ODAD1: variants seen among roughly 807,000 people sequenced by gnomAD.
ODAD1 encodes the protein outer dynein arm docking complex subunit 1.
ODAD1 carries 49 observed loss-of-function variants against 67.2 expected under a neutral mutation model. That is an observed-to-expected ratio of 0.73 (90% CI 0.58 to 0.92). The LOEUF (loss-of-function observed/expected upper bound fraction) is 0.92, where lower values mean the gene tolerates loss of function less well. ODAD1 is among the 40% of genes least tolerant of loss of function. The pLI is 0.00. For missense variants in ODAD1, 897 were observed against 953.7 expected (o/e 0.94, Z 0.78); for synonymous variants, 345 against 393.7 (o/e 0.88, Z 1.46).
chr19:48,316,542 T>C (rs188112502), intron 5 of ODAD1, among the ~76,000 whole-genome samples: 2 of 152,306 alleles, frequency 1.3e-5, no homozygotes, highest in Non-Finnish European at 2.9e-5. Context: ...AAGTTCTTAA[T>C]ATATTCTGGA....
In ODAD1 at chr19:48,318,754, C is replaced by T; in HGVS notation, c.129G>A (p.Arg43=). The change falls in exon 4 of 16, where the codon CGG becomes CGA. Residue 43 remains arginine (R), a synonymous_variant. Coordinates refer to ENST00000674294, the MANE Select transcript of ODAD1 (RefSeq NM_001364171.2). ...RQCKVMEGER[R]AYSKEVHQRI... ...GCTGGTGGACTTCCTTGCTGTAGGC[C>T]CGCCTCTCCCCTTCCATCACTTTGC... 6.4e-7 allele frequency: 1 copy of T among 1,551,390 alleles called. No individual in the cohort carries two copies. Among genetic ancestry groups the T allele is most frequent in the Non-Finnish European group, 8.7e-7 (1 of 1,146,804 alleles).
intron 5 of ODAD1, among the ~76,000 whole-genome samples, chr19:48,315,868 CA>C (rs1968884827): frequency 6.6e-6 from 1 of 152,182 alleles, no homozygotes; most frequent in South Asian, 2.1e-4. Context: ...TCATGAGTCA[CA>C]TTCCATTCCA....
At chr19:48,302,577 G>T in intron 12 of ODAD1, 117 bp downstream of exon 12, 1 of 764,514 alleles carries the variant, frequency 1.3e-6, no homozygotes, top group Non-Finnish European at 2.1e-6. Context: ...CAGATATGGG[G>T]CAACTGATAA....
intron 12 of ODAD1, among the ~76,000 whole-genome samples, chr19:48,298,994 C>G (rs868502891): frequency 2.6e-5 from 4 of 152,326 alleles, no homozygotes; most frequent in Non-Finnish European, 4.4e-5. Flanking sequence ...CCACCTTTCT[C>G]TCCATCCGTC....
At position 48,318,799 on chromosome 19, in the gene ODAD1, C is replaced by T. The variant is rs1374932254; in HGVS notation, c.84G>A (p.Leu28=). 3 of 1,550,348 alleles carry T rather than the reference C, an allele frequency of 1.9e-6. No individual in the cohort carries two copies. The highest frequency in any genetic ancestry group is 2.6e-6 in the Non-Finnish European group (3 of 1,146,046). Residue 28 remains leucine (L), a synonymous_variant, in exon 4 of 16, where the codon CTG becomes CTA. Coordinates refer to ENST00000674294, the MANE Select transcript of ODAD1 (RefSeq NM_001364171.2). ...CTTTGCATTGTCGCTGCAGCCTACT[C>T]AGCTCCCAATCCACTGAGAACAGGG... The part of the protein sequence containing the change: ...AFLEGMVDWE[L]SRLQRQCKVM...
chr19:48,301,460 T>G (rs1968460706), intron 12 of ODAD1, among the ~76,000 whole-genome samples: 1 of 151,952 alleles, frequency 6.6e-6, no homozygotes, highest in African/African-American at 2.4e-5. Context: ...ATAAGTGCCT[T>G]GCACAGTGAA....
chr19:48,316,299 G>A (rs986291390), intron 5 of ODAD1, among the ~76,000 whole-genome samples: 1 of 151,706 alleles, frequency 6.6e-6, no homozygotes, highest in Non-Finnish European at 1.5e-5. Context: ...GAGAATGTTT[G>A]AACCCAGGAG....
rs1968330408 is a variant in ODAD1 at position 48,297,512 on chromosome 19, GCT to G, written c.1586_1587del (p.Glu529AlafsTer59). On this transcript the variant is annotated frameshift_variant, in exon 16 of 16. Transcript: ENST00000674294. LOFTEE classifies it low-confidence loss of function (END_TRUNC). ...ELLSQVEKLV[E>X]LQEQAEAQRQ... ...CGCTGCGCCTCCGCCTGCTCCTGGA[GCT>G]CCACCTGCAGGGAAGGTGAACTGGG... is the stretch of plus-strand genomic sequence containing the variant. 6.2e-7 allele frequency: 1 copy of G among 1,604,276 alleles called. No homozygotes were observed. Among genetic ancestry groups the G allele is most frequent in the Non-Finnish European group, 8.5e-7 (1 of 1,176,122 alleles).
At chr19:48,305,001 A>C (rs142700875) in intron 8 of ODAD1, among the ~76,000 whole-genome samples, 4 of 152,288 alleles carry the variant, frequency 2.6e-5, no homozygotes, top group Non-Finnish European at 5.9e-5. Context: ...TAAAATGGTG[A>C]ATTTTGCCAC....
Position 48,296,996 on chromosome 19 carries a change from T to G in ODAD1, c.2104A>C (p.Ser702Arg). Reference protein sequence around the residue: ...ASSTGPGSSTSKDSRG With the variant: ...ASSTGPGSSTRKDSRG ...TCGTGTTAGCCCCGGGAGTCTTTGC[T>G]GGTGGAGGAGCCCGGGCCAGTGCTG... Residue 702 changes from serine to arginine, a missense_variant, in exon 16 of 16, where the codon AGC becomes CGC. Physicochemically the swap from Ser to Arg is moderately radical, Grantham distance 110 (BLOSUM62 -1). Coordinates refer to ENST00000674294, the MANE Select transcript of ODAD1 (RefSeq NM_001364171.2). 2 of 1,605,426 alleles carry G rather than the reference T, an allele frequency of 1.2e-6. No homozygotes were observed. Among genetic ancestry groups the G allele is most frequent in the Non-Finnish European group, 1.7e-6 (2 of 1,176,886 alleles).
chr19:48,302,929 A>C, intron 11 of ODAD1, 67 bp from the exon 12 acceptor site: 10 of 1,525,288 alleles, frequency 6.6e-6, no homozygotes, highest in Non-Finnish European at 9.0e-6. Flanking sequence ...GGAGCTAGGA[A>C]GAAGCAGGAG....
At chr19:48,308,982 TC>T (rs921193358) in intron 7 of ODAD1, among the ~76,000 whole-genome samples, 3 of 151,964 alleles carry the variant, frequency 2.0e-5, no homozygotes, top group Non-Finnish European at 2.9e-5. Flanking sequence ...GGGTGGGAGC[TC>T]CCAGAGTGCA....
At chr19:48,320,085 A>C in intron 3 of ODAD1, 2 of 1,057,488 alleles carry the variant, frequency 1.9e-6, no homozygotes, top group Non-Finnish European at 1.2e-6. Flanking sequence ...GCCCCACTCA[A>C]ACTTCTGCTG....
At chr19:48,298,534 C>G (rs1259445273) in intron 12 of ODAD1, among the ~76,000 whole-genome samples, 194 bp from the exon 13 acceptor site, 1 of 152,166 alleles carries the variant, frequency 6.6e-6, no homozygotes, top group Non-Finnish European at 1.5e-5. Flanking sequence ...CCTGACTTGT[C>G]CTTCAAAGTC....
At chr19:48,306,147 T>G in intron 8 of ODAD1, 109 bp downstream of exon 8, 1 of 1,455,374 alleles carries the variant, frequency 6.9e-7, no homozygotes, top group Non-Finnish European at 9.2e-7. Flanking sequence ...GGAGAAAAAA[T>G]AGGTTCTGAC....
chr19:48,320,570 A>G (rs1478908090), intron 2 of ODAD1, among the ~76,000 whole-genome samples, 179 bp from the exon 3 acceptor site: 2 of 152,224 alleles, frequency 1.3e-5, no homozygotes, highest in Non-Finnish European at 2.9e-5. Context: ...ACACCTCTCC[A>G]GCCCTCCCAC....
At chr19:48,307,409 A>T (rs1480678448) in intron 7 of ODAD1, among the ~76,000 whole-genome samples, 1 of 152,192 alleles carries the variant, frequency 6.6e-6, no homozygotes, top group African/African-American at 2.4e-5. Context: ...TGGACAACAT[A>T]GTAAGACCCC....
At chr19:48,319,940 C>T (rs1471299911) in intron 3 of ODAD1, 1 of 658,224 alleles carries the variant, frequency 1.5e-6, no homozygotes, top group African/African-American at 2.0e-5. Flanking sequence ...GGACTGCCCC[C>T]ACAACAAAGA....
Position 48,297,006 on chromosome 19 carries a change from G to A in ODAD1, c.2094C>T (p.Gly698=). The A allele has an allele frequency of 6.2e-7, 1 of 1,608,596 alleles. No homozygotes were observed. Among genetic ancestry groups the A allele is most frequent in the Non-Finnish European group, 8.5e-7 (1 of 1,178,634 alleles). Residue 698 remains glycine (G), a synonymous_variant, in exon 16 of 16, where the codon GGC becomes GGT. Coordinates refer to ENST00000674294, the MANE Select transcript of ODAD1 (RefSeq NM_001364171.2). ...CCCGGGAGTCTTTGCTGGTGGAGGA[G>A]CCCGGGCCAGTGCTGGAGGCAGGGC... ...STGPASSTGP[G]SSTSKDSRG
Sources: gnomAD v4.1 joint callset for allele counts (sites outside exome capture counted in the v4.1 genomes callset) on GRCh38, gnomAD v4.1.1 for gene constraint, MANE v1.5 for transcripts, NCBI Gene and HGNC (gene_info 2026-07-23, HGNC 2026-07-21) for gene names.